CEP112: variants seen among roughly 807,000 people sequenced by gnomAD.
The protein encoded by CEP112 is centrosomal protein of 112 kDa.
Under a neutral mutation model 153.0 loss-of-function variants are expected in CEP112, and 127 were observed. The ratio of observed to expected loss-of-function variants is 0.83; its 90% confidence interval spans 0.72 to 0.96. The LOEUF (loss-of-function observed/expected upper bound fraction) is 0.96. Among genes scored for constraint, CEP112 ranks in the 40% least tolerant of loss-of-function variants. CEP112 has a pLI of 0.00. For synonymous variants in CEP112, 358 were observed against 374.4 expected, an observed-to-expected ratio of 0.96 and a Z score of 0.51; for missense variants, 1,089 against 1,101.2, an observed-to-expected ratio of 0.99 and a Z score of 0.16.
At chr17:66,141,239 C>G (rs1275772441) in intron 4 of CEP112, among the ~76,000 whole-genome samples, 2 of 151,380 alleles carry the variant, frequency 1.3e-5, no homozygotes, top group Non-Finnish European at 2.9e-5. Flanking sequence ...CTGCTGTTTT[C>G]TGTTTCCATT....
chr17:66,071,405 A>G (rs1283308738), intron 8 of CEP112, among the ~76,000 whole-genome samples: 1 of 152,122 alleles, frequency 6.6e-6, no homozygotes, highest in Non-Finnish European at 1.5e-5. Context: ...TTTGGGGTCT[A>G]TTAAAAGGGA....
intron 17 of CEP112, among the ~76,000 whole-genome samples, chr17:65,979,201 T>C (rs1234112024): frequency 6.6e-6 from 1 of 150,704 alleles, no homozygotes; most frequent in Non-Finnish European, 1.5e-5. Context: ...GAAAATTATA[T>C]TCAGAGGTTT....
At chr17:66,026,831 A>C (rs957106925) in intron 16 of CEP112, among the ~76,000 whole-genome samples, 3 of 152,198 alleles carry the variant, frequency 2.0e-5, no homozygotes, top group Non-Finnish European at 2.9e-5. Flanking sequence ...ACACATGGCA[A>C]ATCCAAGTTA....
intron 4 of CEP112, among the ~76,000 whole-genome samples, chr17:66,158,545 G>A (rs1488023066): frequency 6.6e-6 from 1 of 152,092 alleles, no homozygotes; most frequent in Non-Finnish European, 1.5e-5. Context: ...CCAGGAGGTG[G>A]AGCTTGCAGT....
chr17:65,731,076 C>T (rs1203449877), intron 23 of CEP112, among the ~76,000 whole-genome samples: 5 of 152,096 alleles, frequency 3.3e-5, no homozygotes, highest in South Asian at 4.1e-4. Flanking sequence ...CTATTTCTAA[C>T]GTTTCCCCAA....
chr17:66,175,006 T>C (rs199827855), intron 4 of CEP112, 38 bp downstream of exon 4: 10 of 1,394,092 alleles, frequency 7.2e-6, no homozygotes, highest in East Asian at 2.5e-5. Context: ...ACAGACTAAA[T>C]GATGAAACAC....
intron 8 of CEP112, among the ~76,000 whole-genome samples, chr17:66,089,135 AG>A (rs1412061174): frequency 6.6e-6 from 1 of 152,188 alleles, no homozygotes; most frequent in African/African-American, 2.4e-5. Context: ...TGTAGGAGAG[AG>A]CCCACCAATA....
At chr17:65,702,829 G>C (rs990551781) in intron 23 of CEP112, among the ~76,000 whole-genome samples, 3 of 152,068 alleles carry the variant, frequency 2.0e-5, no homozygotes, top group South Asian at 2.1e-4. Flanking sequence ...AATGTGTAAG[G>C]GAACTGCCCT....
At chr17:65,691,175 G>C (rs555804431) in intron 23 of CEP112, among the ~76,000 whole-genome samples, 1 of 152,198 alleles carries the variant, frequency 6.6e-6, no homozygotes, top group South Asian at 2.1e-4. Context: ...TTGGGGGAGA[G>C]GAGCCGGAGC....
At position 66,062,982 on chromosome 17, in the gene CEP112, T is replaced by C. The variant is rs756651804; in HGVS notation, c.1055A>G (p.Asn352Ser). 1 of 1,578,478 alleles carries C rather than the reference T, an allele frequency of 6.3e-7. No homozygotes were observed. The highest frequency in any genetic ancestry group is 8.6e-7 in the Non-Finnish European group (1 of 1,159,264). Residue 352 changes from asparagine to serine, a missense_variant, in exon 11 of 27, where the codon AAT becomes AGT. By Grantham distance (46) the Asn-to-Ser change is conservative. Coordinates refer to ENST00000535342, the MANE Select transcript of CEP112 (RefSeq NM_001199165.4). ...GCTTACCTTTTTTTCCCAGTCATTA[T>C]TTAGAGATTCCGTACTTTGTTCACA... ...KICEQSTESL[N>S]NDWEKKLHNA...
At chr17:65,693,534 G>A (rs942507884) in intron 23 of CEP112, among the ~76,000 whole-genome samples, 2 of 152,158 alleles carry the variant, frequency 1.3e-5, no homozygotes, top group Middle Eastern at 3.4e-3. Flanking sequence ...TATGGAGAAG[G>A]GGATGGGTGA....
intron 16 of CEP112, among the ~76,000 whole-genome samples, chr17:66,021,913 G>A (rs1431000749): frequency 6.6e-6 from 1 of 152,174 alleles, no homozygotes; most frequent in Non-Finnish European, 1.5e-5. Flanking sequence ...ATTCCTACAA[G>A]AGCAACTGGC....
At chr17:66,151,128 T>G (rs74394278) in intron 4 of CEP112, among the ~76,000 whole-genome samples, 27,096 of 152,182 alleles carry the variant, frequency 0.18, 2,626 homozygotes, top group Non-Finnish European at 0.22. Context: ...CTCTTGCTTT[T>G]TTTATCCAAT....
At chr17:66,003,214 A>G (rs1313074974) in intron 17 of CEP112, among the ~76,000 whole-genome samples, 1 of 152,210 alleles carries the variant, frequency 6.6e-6, no homozygotes, top group East Asian at 1.9e-4. Context: ...GAAGAATTTT[A>G]TTTAACATGC....
chr17:65,828,879 T>G (rs866894016), intron 21 of CEP112, among the ~76,000 whole-genome samples: 33 of 141,726 alleles, frequency 2.3e-4, no homozygotes, highest in African/African-American at 3.6e-4. Flanking sequence ...TTTTAGAGAG[T>G]TTTTTTTTTT....
intron 18 of CEP112, among the ~76,000 whole-genome samples, chr17:65,960,376 G>C (rs2062156870): frequency 6.6e-6 from 1 of 152,082 alleles, no homozygotes; most frequent in African/African-American, 2.4e-5. Flanking sequence ...ATTTATGCCT[G>C]TAACATATTA....
At chr17:65,933,770 G>A (rs1481630752) in intron 18 of CEP112, among the ~76,000 whole-genome samples, 1 of 152,110 alleles carries the variant, frequency 6.6e-6, no homozygotes, top group Non-Finnish European at 1.5e-5. Context: ...AAAACTCAAT[G>A]GTATAAGTAA....
intron 4 of CEP112, among the ~76,000 whole-genome samples, chr17:66,136,218 T>C (rs2070429822): frequency 6.6e-6 from 1 of 152,156 alleles, no homozygotes; most frequent in Middle Eastern, 3.2e-3. Flanking sequence ...AGCCTCCAGT[T>C]TGGACTAGTA....
At chr17:66,103,178 T>C (rs1328880181) in intron 6 of CEP112, among the ~76,000 whole-genome samples, 1 of 151,384 alleles carries the variant, frequency 6.6e-6, no homozygotes, top group Non-Finnish European at 1.5e-5. Flanking sequence ...TGGGCCGAGA[T>C]AGTGCCATTG....
Sources: gnomAD v4.1 joint callset for allele counts (sites outside exome capture counted in the v4.1 genomes callset) on GRCh38, gnomAD v4.1.1 for gene constraint, MANE v1.5 for transcripts, NCBI Gene and HGNC (gene_info 2026-07-23, HGNC 2026-07-21) for gene names.